ATG10: variants seen among roughly 807,000 people sequenced by gnomAD.
The protein encoded by ATG10 is autophagy related 10.
A neutral mutation model predicts 32.1 loss-of-function variants in ATG10; 30 were observed. The observed-to-expected ratio is 0.94, with a 90% CI of 0.70 to 1.27. The LOEUF is 1.27. Among genes scored for constraint, ATG10 ranks in the 50% most tolerant of loss-of-function variants. The probability of loss-of-function intolerance (pLI) is 0.00; values close to 1 mark genes in which losing one functional copy is unlikely to be tolerated. For synonymous variants in ATG10, 87 were observed against 91.5 expected, an observed-to-expected ratio of 0.95 and a Z score of 0.28; for missense variants, 233 against 262.3, an observed-to-expected ratio of 0.89 and a Z score of 0.77.
chr5:82,227,548 T>C lies in ATG10; in HGVS notation c.454-25014T>C, dbSNP rs559238377. Reference sequence around the variant, plus strand: ...TGCCACCATAACTAGCTAATTTTTGTATTTTTAGTAGAGACGGGGTTTCAC... The same window carrying C: ...TGCCACCATAACTAGCTAATTTTTGCATTTTTAGTAGAGACGGGGTTTCAC... On this transcript the variant is annotated intron_variant, in intron 5 of 7. Coordinates refer to ENST00000282185, the MANE Select transcript of ATG10 (RefSeq NM_031482.5). Among the ~76,000 whole-genome samples, 177 of 152,170 alleles carry C rather than the reference T, an allele frequency of 1.2e-3. 2 individuals carry two copies. The Middle Eastern group carries it at 0.017, about 15-fold the overall frequency.
intron 5 of ATG10, among the ~76,000 whole-genome samples, chr5:82,251,509 C>G (rs1747251314): frequency 6.6e-6 from 1 of 152,194 alleles, no homozygotes; most frequent in Non-Finnish European, 1.5e-5. Context: ...CATGCTGAAC[C>G]TGCATTCCCA....
At chr5:82,252,116 A>T (rs1191145539) in intron 5 of ATG10, among the ~76,000 whole-genome samples, 1 of 152,232 alleles carries the variant, frequency 6.6e-6, no homozygotes, top group East Asian at 1.9e-4. Flanking sequence ...CATGTTGACA[A>T]AATTTGTGTA....
chr5:82,130,970 G>A (rs1228557571), intron 3 of ATG10, among the ~76,000 whole-genome samples: 2 of 152,072 alleles, frequency 1.3e-5, no homozygotes, highest in Non-Finnish European at 2.9e-5. Flanking sequence ...ATTAATGCAG[G>A]AACAGAAAAC....
intron 2 of ATG10, among the ~76,000 whole-genome samples, chr5:82,048,884 A>C (rs1037811248): frequency 4.6e-5 from 7 of 152,198 alleles, no homozygotes; most frequent in Non-Finnish European, 7.3e-5. Context: ...CAATCATTAA[A>C]AAGTCAGGAG....
intron 2 of ATG10, among the ~76,000 whole-genome samples, chr5:82,034,109 C>T (rs1762838022): frequency 6.6e-6 from 1 of 151,256 alleles, no homozygotes; most frequent in African/African-American, 2.4e-5. Flanking sequence ...TAGGCACTGG[C>T]ATTTTAGTGC....
At chr5:82,147,894 A>G (rs1326758295) in intron 3 of ATG10, 1 of 152,334 alleles carries the variant, frequency 6.6e-6, no homozygotes, top group Non-Finnish European at 1.5e-5. Flanking sequence ...AACTGCAAAA[A>G]CCAAATCACT....
chr5:82,004,659 G>A (rs796299303), intron 2 of ATG10, among the ~76,000 whole-genome samples: 6 of 152,242 alleles, frequency 3.9e-5, no homozygotes, highest in African/African-American at 1.4e-4. Context: ...TGGTCCTAGG[G>A]TGCATGACGA....
chr5:82,057,156 A>G (rs1763629614), intron 2 of ATG10, among the ~76,000 whole-genome samples: 1 of 152,198 alleles, frequency 6.6e-6, no homozygotes, highest in South Asian at 2.1e-4. Context: ...CCAATCAACA[A>G]CTAACCAGTG....
At chr5:81,999,517 G>A (rs1761785370) in intron 2 of ATG10, among the ~76,000 whole-genome samples, 1 of 151,814 alleles carries the variant, frequency 6.6e-6, no homozygotes, top group African/African-American at 2.4e-5. Flanking sequence ...GCAGAAGATA[G>A]AAATAACCAA....
At chr5:81,981,426 T>C (rs1039467936) in intron 1 of ATG10, among the ~76,000 whole-genome samples, 1 of 152,208 alleles carries the variant, frequency 6.6e-6, no homozygotes, top group Non-Finnish European at 1.5e-5. Context: ...AGGTAAGTGA[T>C]TAAATTAATC....
At chr5:82,049,885 T>C (rs1763351990) in intron 2 of ATG10, among the ~76,000 whole-genome samples, 1 of 152,216 alleles carries the variant, frequency 6.6e-6, no homozygotes, top group Non-Finnish European at 1.5e-5. Flanking sequence ...TCAGTCTCCC[T>C]AGTGAACTGT....
At chr5:82,087,579 A>G (rs1446234725) in intron 3 of ATG10, among the ~76,000 whole-genome samples, 3 of 152,032 alleles carry the variant, frequency 2.0e-5, no homozygotes, top group African/African-American at 7.2e-5. Flanking sequence ...TTCATATAAT[A>G]CTCTAGATAC....
chr5:81,995,314 A>AT (rs926449888), intron 2 of ATG10, among the ~76,000 whole-genome samples: 4 of 151,436 alleles, frequency 2.6e-5, no homozygotes, highest in African/African-American at 7.3e-5. Context: ...CATTATTATT[A>AT]TTTTTTTTGG....
intron 5 of ATG10, among the ~76,000 whole-genome samples, chr5:82,212,063 C>G (rs1228345555): frequency 6.6e-6 from 1 of 152,132 alleles, no homozygotes; most frequent in East Asian, 1.9e-4. Flanking sequence ...CATTCTATTC[C>G]CCTCCTCTAG....
intron 4 of ATG10, 114 bp downstream of exon 4, chr5:82,164,651 C>A: frequency 9.4e-7 from 1 of 1,062,564 alleles, no homozygotes; most frequent in Non-Finnish European, 1.3e-6. Flanking sequence ...AATGAGAAAA[C>A]TGTGGGTGAG....
intron 2 of ATG10, among the ~76,000 whole-genome samples, chr5:82,012,997 C>G (rs1762168801): frequency 6.6e-6 from 1 of 150,644 alleles, no homozygotes; most frequent in Admixed American, 6.6e-5. Flanking sequence ...GAGTCTCGCC[C>G]TGTTGCCAGG....
At chr5:82,167,198 A>G (rs1045122260) in intron 4 of ATG10, among the ~76,000 whole-genome samples, 1 of 152,176 alleles carries the variant, frequency 6.6e-6, no homozygotes, top group East Asian at 1.9e-4. Context: ...GTCATGTCAT[A>G]TCATATCATA....
intron 3 of ATG10, among the ~76,000 whole-genome samples, chr5:82,131,775 A>G (rs903481240): frequency 3.9e-5 from 6 of 151,964 alleles, no homozygotes; most frequent in East Asian, 1.9e-4. Context: ...GTGCATTGCT[A>G]TAAAGAAATG....
At chr5:82,025,842 A>G (rs945383026) in intron 2 of ATG10, among the ~76,000 whole-genome samples, 16 of 152,286 alleles carry the variant, frequency 1.1e-4, no homozygotes, top group African/African-American at 3.4e-4. Flanking sequence ...ACTTTGAATC[A>G]TCCCAGTACA....
Sources: gnomAD v4.1 joint callset for allele counts (sites outside exome capture counted in the v4.1 genomes callset) on GRCh38, gnomAD v4.1.1 for gene constraint, MANE v1.5 for transcripts, NCBI Gene and HGNC (gene_info 2026-07-23, HGNC 2026-07-21) for gene names.